PCDHA3: variants seen among roughly 807,000 people sequenced by gnomAD.
PCDHA3 encodes the protein protocadherin alpha-3.
A neutral mutation model predicts 62.2 loss-of-function variants in PCDHA3; 41 were observed. That is an observed-to-expected ratio of 0.66 (90% CI 0.51 to 0.86). The LOEUF (loss-of-function observed/expected upper bound fraction) is 0.86, where lower values mean the gene tolerates loss of function less well. Ranked by LOEUF, PCDHA3 falls within the 40% of genes least tolerant of loss-of-function variation. PCDHA3 has a pLI of 0.00. For missense variants in PCDHA3, 1,304 were observed against 1,241.2 expected (o/e 1.05, Z -0.76); for synonymous variants, 640 against 555.4 (o/e 1.15, Z -2.14).
intron 1 of PCDHA3, among the ~76,000 whole-genome samples, chr5:140,875,039 A>AT: frequency 3.9e-5 from 6 of 152,348 alleles, no homozygotes; most frequent in Admixed American, 3.9e-4. Context: ...TATTTGAAAG[A>AT]TTTCTACTTT....
chr5:140,857,745 C>G, intron 1 of PCDHA3: 1 of 1,597,310 alleles, frequency 6.3e-7, no homozygotes, highest in Non-Finnish European at 8.6e-7. Context: ...GCGCTGCTGG[C>G]GTCTCCCGCT....
In PCDHA3 at chr5:140,856,941, C is replaced by A. The variant is rs782304851; in HGVS notation, c.2394+53350C>A. The A allele has an allele frequency of 2.5e-6, 4 of 1,592,588 alleles. No homozygotes were observed. The South Asian group carries it at 3.3e-5, about 13-fold the overall frequency. On this transcript the variant is annotated intron_variant, in intron 1 of 3. Coordinates refer to ENST00000522353, the MANE Select transcript of PCDHA3 (RefSeq NM_018906.3). The stretch of plus-strand genomic sequence containing the variant: ...AGGAAATTTTGGATAAACGAAAGGA[C>A]GGGAGAAATAAAAGTAAATGATGCT...
chr5:140,877,317 G>C (rs535177109), intron 1 of PCDHA3: 5 of 1,614,004 alleles, frequency 3.1e-6, no homozygotes, highest in Admixed American at 1.7e-5. Context: ...AACCGGCGGC[G>C]GTCGGCGCGC....
intron 1 of PCDHA3, 52 bp from the exon 2 acceptor site, chr5:140,978,897 G>T: frequency 6.2e-7 from 1 of 1,612,776 alleles, no homozygotes; most frequent in Non-Finnish European, 8.5e-7. Context: ...AGCATTCCTG[G>T]GAGAACATTG....
intron 1 of PCDHA3, chr5:140,852,597 C>A (rs1410004907): frequency 2.6e-5 from 23 of 879,650 alleles, no homozygotes; most frequent in Non-Finnish European, 2.9e-5. Flanking sequence ...TTTTTTTTGT[C>A]ATTTTCTTTC....
At chr5:140,884,046 A>T in intron 1 of PCDHA3, 1 of 1,613,474 alleles carries the variant, frequency 6.2e-7, no homozygotes, top group Non-Finnish European at 8.5e-7. Flanking sequence ...GTGGTGGCGA[A>T]GGTGCGCGCG....
rs541261946 is a variant in PCDHA3, at chr5:140,926,749, G to T, written c.2395-52200G>T. ...GGCGTTCGGGAGGCGCAACGTCGGC[G>T]GTCGCTGAGTATCCAGCCCGCAGCA... On this transcript the variant is annotated intron_variant, in intron 1 of 3. Coordinates refer to ENST00000522353, the MANE Select transcript of PCDHA3 (RefSeq NM_018906.3). 7.3e-6 allele frequency: 9 copies of T among 1,237,260 alleles called. No homozygotes were observed. In the East Asian group the frequency reaches 2.0e-4, roughly 28 times the overall value. The allele number at this position is 1,237,260 out of a possible 1,614,324, so 76.6% of individuals were successfully genotyped here.
chr5:140,868,875 C>T (rs1033473828), intron 1 of PCDHA3: 3 of 661,952 alleles, frequency 4.5e-6, no homozygotes, highest in African/African-American at 3.6e-5. Context: ...GTGCACAGTA[C>T]TCACAGTTTT....
chr5:140,857,140 G>A, intron 1 of PCDHA3: 1 of 1,598,276 alleles, frequency 6.3e-7, no homozygotes, highest in Non-Finnish European at 8.6e-7. Context: ...ATGCTCAAGT[G>A]GGCACCGTCA....
chr5:140,943,831 A>T (rs1051741610), intron 1 of PCDHA3, among the ~76,000 whole-genome samples: 2 of 152,214 alleles, frequency 1.3e-5, no homozygotes, highest in African/African-American at 4.8e-5. Flanking sequence ...GAGTTGATTG[A>T]AGTTGTAAGA....
chr5:140,894,574 T>C (rs997238240), intron 1 of PCDHA3, among the ~76,000 whole-genome samples: 2 of 152,002 alleles, frequency 1.3e-5, no homozygotes, highest in African/African-American at 2.4e-5. Context: ...TTTTCCTTTT[T>C]TTTAATATTT....
At chr5:140,867,027 C>T (rs1043288554) in intron 1 of PCDHA3, 4 of 152,102 alleles carry the variant, frequency 2.6e-5, no homozygotes, top group Non-Finnish European at 5.9e-5. Context: ...ATATCAAACT[C>T]TTTTATGACT....
chr5:140,999,409 T>C (rs1554256782), intron 3 of PCDHA3, among the ~76,000 whole-genome samples: 1 of 152,186 alleles, frequency 6.6e-6, no homozygotes, highest in African/African-American at 2.4e-5. Flanking sequence ...TATGAAAGAA[T>C]GGGAGCTAAG....
At position 141,000,421 on chromosome 5, in the gene PCDHA3, A is replaced by ATTTTTT. The variant is rs34755515; in HGVS notation, c.2543-9188_2543-9183dup. On this transcript the variant is annotated intron_variant, in intron 3 of 3. Coordinates refer to ENST00000522353, the MANE Select transcript of PCDHA3 (RefSeq NM_018906.3). ...TATATATATATATATATATATATAT[A>ATTTTTT]TTTTTTTTTTTTTTTTTTTTTTTGA... 3.2e-4 allele frequency among the ~76,000 whole-genome samples: 9 copies of ATTTTTT among 27,978 alleles called. 1 individual carries two copies. The highest frequency in any genetic ancestry group is 5.3e-4 in the African/African-American group (3 of 5,638). 18.4% of individuals were successfully genotyped at this position (27,978 alleles called of 152,430 possible).
rs144630020 is a variant in PCDHA3, at chr5:140,849,710, C to T, written c.2394+46119C>T. 88 of 1,598,490 alleles carry T rather than the reference C, an allele frequency of 5.5e-5. 7 individuals carry two copies. Among genetic ancestry groups the T allele is most frequent in the Middle Eastern group, 1.7e-4 (1 of 5,908 alleles). ...TGGTGTCCACCTACAAGAATTACTA[C>T]TCGTTGGTGCTGGACAGAGCTCTGG... On this transcript the variant is annotated intron_variant, in intron 1 of 3. Transcript: ENST00000522353.
intron 1 of PCDHA3, chr5:140,828,899 G>A: frequency 6.2e-7 from 1 of 1,614,256 alleles, no homozygotes; most frequent in Non-Finnish European, 8.5e-7. Flanking sequence ...TTCTGATCGG[G>A]ATGAAGGAGC....
At position 140,995,103 on chromosome 5, in the gene PCDHA3, C is replaced by T. The variant is rs535399594; in HGVS notation, c.2542+12540C>T. Reference sequence around the variant, plus strand: ...CAAACTTATCTGTGGAGATACATTCCAAGACCCTCAGTGGATGCCTGAAAC... The same window carrying T: ...CAAACTTATCTGTGGAGATACATTCTAAGACCCTCAGTGGATGCCTGAAAC... On this transcript the variant is annotated intron_variant, in intron 3 of 3. Coordinates refer to ENST00000522353, the MANE Select transcript of PCDHA3 (RefSeq NM_018906.3). 1.1e-4 allele frequency among the ~76,000 whole-genome samples: 16 copies of T among 152,290 alleles called. No individual in the cohort carries two copies. In the South Asian group the frequency reaches 2.9e-3, roughly 28 times the overall value.
chr5:141,000,080 G>T (rs1554257118), intron 3 of PCDHA3, among the ~76,000 whole-genome samples: 1 of 152,068 alleles, frequency 6.6e-6, no homozygotes, highest in Non-Finnish European at 1.5e-5. Context: ...ACAATGCTAG[G>T]CCTGTGAATG....
intron 1 of PCDHA3, among the ~76,000 whole-genome samples, chr5:140,938,922 T>G (rs2092267013): frequency 6.6e-6 from 1 of 151,926 alleles, no homozygotes; most frequent in Non-Finnish European, 1.5e-5. Flanking sequence ...CACAAGAAAT[T>G]GGCTTTTAAC....
Sources: allele counts gnomAD v4.1 joint callset (sites outside exome capture counted in the v4.1 genomes callset), GRCh38; gene constraint gnomAD v4.1.1; transcripts MANE v1.5; gene names NCBI Gene and HGNC (gene_info 2026-07-23, HGNC 2026-07-21).